Variants in LHFPL3 observed in about 807,000 individuals in gnomAD.
The protein encoded by LHFPL3 is LHFPL tetraspan subfamily member 3.
A neutral mutation model predicts 19.3 loss-of-function variants in LHFPL3; 5 were observed. The ratio of observed to expected loss-of-function variants is 0.26; its 90% CI spans 0.14 to 0.54. The LOEUF (loss-of-function observed/expected upper bound fraction) is 0.54. Ranked by LOEUF, LHFPL3 falls within the 20% of genes least tolerant of loss-of-function variation. LHFPL3 has a pLI of 0.94. For synonymous variants in LHFPL3, 133 were observed against 126.2 expected, an observed-to-expected ratio of 1.05 and a Z score of -0.36; for missense variants, 249 against 307.4, an observed-to-expected ratio of 0.81 and a Z score of 1.42.
At chr7:104,608,789 A>G (rs1423940696) in intron 1 of LHFPL3, among the ~76,000 whole-genome samples, 1 of 152,190 alleles carries the variant, frequency 6.6e-6, no homozygotes, top group Non-Finnish European at 1.5e-5. Flanking sequence ...TCCGCTACTG[A>G]GTTTATCAAC....
chr7:104,782,622 C>T (rs1352065452), intron 2 of LHFPL3, among the ~76,000 whole-genome samples: 5 of 152,354 alleles, frequency 3.3e-5, no homozygotes, highest in African/African-American at 1.2e-4. Flanking sequence ...GAAGCCAGAA[C>T]AACCTTTCTG....
intron 1 of LHFPL3, among the ~76,000 whole-genome samples, chr7:104,512,404 CAG>C (rs1278498238): frequency 2.0e-5 from 3 of 152,082 alleles, no homozygotes; most frequent in Non-Finnish European, 4.4e-5. Flanking sequence ...GCGCTGCCTT[CAG>C]AGAGCTTTTC....
intron 2 of LHFPL3, among the ~76,000 whole-genome samples, chr7:104,852,665 G>A (rs952525108): frequency 6.6e-6 from 1 of 152,244 alleles, no homozygotes; most frequent in Non-Finnish European, 1.5e-5. Flanking sequence ...AGGGACCCAA[G>A]CTCACAAGGG....
At chr7:104,334,416 G>A (rs1240294579) in intron 1 of LHFPL3, among the ~76,000 whole-genome samples, 5 of 152,168 alleles carry the variant, frequency 3.3e-5, no homozygotes, top group East Asian at 1.9e-4. Flanking sequence ...GTATGGTGGC[G>A]TACACCTGTA....
chr7:104,791,603 C>A (rs976108814), intron 2 of LHFPL3, among the ~76,000 whole-genome samples: 1 of 152,104 alleles, frequency 6.6e-6, no homozygotes, highest in Non-Finnish European at 1.5e-5. Flanking sequence ...ATGTTAACGA[C>A]TAAAATTTGT....
chr7:104,557,155 T>A (rs1789857415), intron 1 of LHFPL3, among the ~76,000 whole-genome samples: 1 of 152,228 alleles, frequency 6.6e-6, no homozygotes, highest in Non-Finnish European at 1.5e-5. Flanking sequence ...CTCTGCCTTG[T>A]TCCCAGTTCC....
chr7:104,661,954 T>A (rs1196748761), intron 1 of LHFPL3, among the ~76,000 whole-genome samples: 1 of 152,194 alleles, frequency 6.6e-6, no homozygotes, highest in African/African-American at 2.4e-5. Context: ...ATCATGACAG[T>A]CGATCTAATA....
chr7:104,758,817 T>C (rs563530689), intron 2 of LHFPL3, among the ~76,000 whole-genome samples: 1 of 151,978 alleles, frequency 6.6e-6, no homozygotes, highest in South Asian at 2.1e-4. Flanking sequence ...GCTCTCTGAG[T>C]CTCCCATAGG....
chr7:104,378,970 T>C (rs1299772049), intron 1 of LHFPL3, among the ~76,000 whole-genome samples: 2 of 152,268 alleles, frequency 1.3e-5, no homozygotes, highest in African/African-American at 2.4e-5. Context: ...TTATCATTTT[T>C]TTCTTTTATT....
At position 104,780,314 on chromosome 7, in the gene LHFPL3, C is replaced by T. The variant is rs78109919; in HGVS notation, c.682+43403C>T. ...CCCGCTGCCAGCAAGTCCCTGACAC[C>T]TCCATTCTTTGGTAAGCATATCCCC... On this transcript the variant is annotated intron_variant, in intron 2 of 2. Transcript: ENST00000424859. 2.5e-3 allele frequency among the ~76,000 whole-genome samples: 387 copies of T among 152,326 alleles called. 7 individuals carry two copies. In the East Asian group the frequency reaches 0.063, roughly 25 times the overall value.
chr7:104,844,912 G>T (rs1461095887), intron 2 of LHFPL3, among the ~76,000 whole-genome samples: 1 of 152,100 alleles, frequency 6.6e-6, no homozygotes, highest in African/African-American at 2.4e-5. Flanking sequence ...GCTAAATTTT[G>T]TATTTTTAGT....
At chr7:104,570,764 G>A (rs1256159614) in intron 1 of LHFPL3, among the ~76,000 whole-genome samples, 1 of 152,042 alleles carries the variant, frequency 6.6e-6, no homozygotes, top group Non-Finnish European at 1.5e-5. Context: ...GGGGTTTGTT[G>A]TACAGATTAT....
chr7:104,656,427 C>T (rs59929156), intron 1 of LHFPL3, among the ~76,000 whole-genome samples: 10,517 of 152,104 alleles, frequency 0.069, 585 homozygotes, highest in African/African-American at 0.15. Context: ...GGCTGCTTTC[C>T]GGGGTGTGAC....
At chr7:104,500,959 G>T (rs1355811292) in intron 1 of LHFPL3, among the ~76,000 whole-genome samples, 3 of 152,082 alleles carry the variant, frequency 2.0e-5, no homozygotes, top group African/African-American at 7.2e-5. Context: ...TATAATCCCA[G>T]GCAGCTTTAC....
At chr7:104,574,354 A>G (rs938159413) in intron 1 of LHFPL3, among the ~76,000 whole-genome samples, 1 of 152,246 alleles carries the variant, frequency 6.6e-6, no homozygotes, top group Non-Finnish European at 1.5e-5. Context: ...GCTCTGCTGG[A>G]TAAGTAACAT....
At chr7:104,902,169 C>T (rs989559113) in intron 2 of LHFPL3, among the ~76,000 whole-genome samples, 9 of 151,994 alleles carry the variant, frequency 5.9e-5, no homozygotes, top group South Asian at 2.1e-4. Context: ...CACTTGAGTC[C>T]GGGAGTTTGA....
intron 1 of LHFPL3, among the ~76,000 whole-genome samples, chr7:104,579,217 T>C (rs1170460679): frequency 6.6e-6 from 1 of 152,220 alleles, no homozygotes; most frequent in African/African-American, 2.4e-5. Flanking sequence ...CATGGGTATA[T>C]TTTATAATGC....
intron 1 of LHFPL3, among the ~76,000 whole-genome samples, chr7:104,470,967 T>C (rs1263606588): frequency 6.6e-6 from 1 of 152,130 alleles, no homozygotes; most frequent in East Asian, 1.9e-4. Flanking sequence ...ACAGAGAGGT[T>C]ATTCCCATCC....
At chr7:104,666,509 A>ATCCTT (rs1792347744) in intron 1 of LHFPL3, among the ~76,000 whole-genome samples, 1 of 44,162 alleles carries the variant, frequency 2.3e-5, no homozygotes, top group Non-Finnish European at 4.6e-5. Context: ...ACAGGATTTC[A>ATCCTT]TTCTTTTTTT....
Sources: allele counts gnomAD v4.1 joint callset (sites outside exome capture counted in the v4.1 genomes callset), GRCh38; gene constraint gnomAD v4.1.1; transcripts MANE v1.5; gene names NCBI Gene and HGNC (gene_info 2026-07-23, HGNC 2026-07-21).